Variants in LYRM4 observed in about 807,000 individuals in gnomAD.
LYRM4 encodes the protein LYR motif containing 4.
In LYRM4, 9 loss-of-function variants were observed where a neutral mutation model predicts 11.7. The ratio of observed to expected loss-of-function variants is 0.77; its 90% CI spans 0.46 to 1.34. The LOEUF is 1.34. Ranked by LOEUF, LYRM4 falls within the 40% of genes most tolerant of loss-of-function variation. The pLI, the probability that LYRM4 is intolerant of heterozygous loss-of-function variation, is 0.00. For missense variants in LYRM4, 133 were observed against 112.5 expected (o/e 1.18, Z -0.82); for synonymous variants, 42 against 40.4 (o/e 1.04, Z -0.15).
At position 5,224,061 on chromosome 6, in the gene LYRM4, T is replaced by C. The variant is rs79326135; in HGVS notation, c.87-7323A>G. On this transcript the variant is annotated intron_variant, in intron 1 of 2. Transcript: ENST00000330636. ...GACTTGCAGTCTCCCTGGTTTTCTC[T>C]CCTGGAGGCCTGCTATTTCTCCACA... Among the ~76,000 whole-genome samples, 1,145 of 152,332 alleles carry C rather than the reference T, an allele frequency of 7.5e-3. 12 individuals are homozygous for C. Among genetic ancestry groups the C allele is most frequent in the African/African-American group, 0.026 (1,060 of 41,562 alleles).
the LYRM4 span, among the ~76,000 whole-genome samples, chr6:5,039,564 A>G: frequency 2.0e-5 from 3 of 152,346 alleles, no homozygotes; most frequent in Admixed American, 1.3e-4. Context: ...GAAAACGGCA[A>G]TTACCTAACT....
chr6:5,234,601 C>T (rs953342656), intron 1 of LYRM4, among the ~76,000 whole-genome samples: 4 of 152,182 alleles, frequency 2.6e-5, no homozygotes, highest in Non-Finnish European at 5.9e-5. Context: ...AGAGGGAAAG[C>T]CTTTCTGCAA....
At chr6:5,237,698 A>G (rs1763632147) in intron 1 of LYRM4, among the ~76,000 whole-genome samples, 1 of 151,504 alleles carries the variant, frequency 6.6e-6, no homozygotes, top group Admixed American at 6.6e-5. Context: ...CCCTGTATCT[A>G]CTCTTCTAGA....
chr6:5,132,584 T>G (rs1561817693), intron 2 of LYRM4: 1 of 152,236 alleles, frequency 6.6e-6, no homozygotes, highest in Non-Finnish European at 1.5e-5. Flanking sequence ...CCAAGTTTAA[T>G]TTGTAGTTCT....
intron 1 of LYRM4, among the ~76,000 whole-genome samples, chr6:5,258,043 G>A (rs1476264160): frequency 6.6e-6 from 1 of 152,150 alleles, no homozygotes; most frequent in Non-Finnish European, 1.5e-5. Context: ...GGGCACTCTA[G>A]ACAGGAGTGA....
the LYRM4 span, among the ~76,000 whole-genome samples, chr6:5,054,595 G>A: frequency 3.3e-5 from 5 of 152,002 alleles, no homozygotes; most frequent in African/African-American, 4.8e-5. Context: ...AACTCTAAGC[G>A]CCCCCAACCA....
chr6:5,215,384 C>T (rs184349890), intron 2 of LYRM4, among the ~76,000 whole-genome samples: 2 of 152,298 alleles, frequency 1.3e-5, no homozygotes, highest in African/African-American at 2.4e-5. Context: ...ATAAATGCCA[C>T]TCTCAAAGTA....
At chr6:5,057,943 G>A in the LYRM4 span, among the ~76,000 whole-genome samples, 1 of 151,878 alleles carries the variant, frequency 6.6e-6, no homozygotes, top group Non-Finnish European at 1.5e-5. Context: ...GTAGAGATGG[G>A]GTCACTTTAT....
intron 2 of LYRM4, among the ~76,000 whole-genome samples, chr6:5,116,985 G>C (rs1389337356): frequency 1.3e-5 from 2 of 152,220 alleles, no homozygotes; most frequent in Admixed American, 1.3e-4. Flanking sequence ...CCAGGGGAGT[G>C]GGTGGGGAAG....
intron 2 of LYRM4, among the ~76,000 whole-genome samples, chr6:5,182,647 G>T (rs1007012503): frequency 6.6e-5 from 10 of 152,176 alleles, no homozygotes; most frequent in Admixed American, 5.9e-4. Context: ...CTTTAGGAGA[G>T]CCCAGGGGCT....
At chr6:5,066,964 C>A in the LYRM4 span, 1 of 1,018,796 alleles carries the variant, frequency 9.8e-7, no homozygotes, top group South Asian at 2.9e-5. Context: ...GGAGGAAATC[C>A]GGCCACTGGG....
At chr6:5,067,197 G>A in the LYRM4 span, among the ~76,000 whole-genome samples, 1 of 152,130 alleles carries the variant, frequency 6.6e-6, no homozygotes, top group Non-Finnish European at 1.5e-5. Flanking sequence ...TCCTTCCTAA[G>A]CATTTATAGA....
downstream of LYRM4, among the ~76,000 whole-genome samples, chr6:5,101,968 C>CTTTTTTTTTTTTGTTTTTTTTTTTTT (rs1762514783): frequency 1.5e-5 from 1 of 67,988 alleles, no homozygotes; most frequent in African/African-American, 4.6e-5. Context: ...CTAATGCTTT[C>CTTTTTTTTTTTTGTTTTTTTTTTTTT]TTTTTTTTTT....
the LYRM4 span, among the ~76,000 whole-genome samples, chr6:5,083,308 G>A: frequency 6.6e-6 from 1 of 152,234 alleles, no homozygotes; most frequent in Non-Finnish European, 1.5e-5. Context: ...GTAGCAATGT[G>A]TATTTAAATG....
chr6:5,259,829 A>G (rs148700131), intron 1 of LYRM4, among the ~76,000 whole-genome samples: 1 of 152,324 alleles, frequency 6.6e-6, no homozygotes, highest in African/African-American at 2.4e-5. Flanking sequence ...ACAAATCTAA[A>G]AAAAAATGCA....
chr6:5,213,869 C>G (rs1362558417), intron 2 of LYRM4, among the ~76,000 whole-genome samples: 1 of 152,246 alleles, frequency 6.6e-6, no homozygotes, highest in Non-Finnish European at 1.5e-5. Flanking sequence ...TTCCTATGTG[C>G]TAGCATTATC....
intron 1 of LYRM4, among the ~76,000 whole-genome samples, chr6:5,232,591 G>A (rs1271942376): frequency 1.3e-5 from 2 of 152,118 alleles, no homozygotes; most frequent in Admixed American, 1.3e-4. Context: ...TTCAGTCCAG[G>A]GTCTCAGCAA....
At chr6:5,185,613 G>A (rs1760343196) in intron 2 of LYRM4, among the ~76,000 whole-genome samples, 1 of 152,160 alleles carries the variant, frequency 6.6e-6, no homozygotes, top group African/African-American at 2.4e-5. Flanking sequence ...CACAGTCCAG[G>A]AGGAGAGACA....
At chr6:5,260,515 G>T in intron 1 of LYRM4, 133 bp downstream of exon 1, 1 of 1,234,512 alleles carries the variant, frequency 8.1e-7, no homozygotes, top group Non-Finnish European at 1.1e-6. Context: ...CGATGGCGGA[G>T]CCCGGTCCTT....
Sources: gnomAD v4.1 joint callset for allele counts (sites outside exome capture counted in the v4.1 genomes callset) on GRCh38, gnomAD v4.1.1 for gene constraint, MANE v1.5 for transcripts, NCBI Gene and HGNC (gene_info 2026-07-23, HGNC 2026-07-21) for gene names.